Variants in BICD1 observed in about 807,000 individuals in gnomAD.
BICD1 encodes the protein protein bicaudal D homolog 1.
A neutral mutation model predicts 92.5 loss-of-function variants in BICD1; 35 were observed. The ratio of observed to expected loss-of-function variants is 0.38; its 90% CI spans 0.29 to 0.50. BICD1 has a LOEUF of 0.50. Among genes scored for constraint, BICD1 ranks in the 20% least tolerant of loss-of-function variants. The probability of loss-of-function intolerance (pLI) is 0.93; values close to 1 mark genes in which losing one functional copy is unlikely to be tolerated. For missense variants in BICD1, 950 were observed against 1,189.8 expected (o/e 0.80, Z 2.97); for synonymous variants, 429 against 465.1 (o/e 0.92, Z 1.00).
chr12:32,338,651 A>AT, intron 7 of BICD1, 135 bp from the exon 8 acceptor site: 1 of 737,538 alleles, frequency 1.4e-6, no homozygotes, highest in Non-Finnish European at 2.1e-6. Flanking sequence ...AAAAAAAAAA[A>AT]GCAAAAAGAT....
chr12:32,282,882 C>A (rs1288572547), intron 2 of BICD1, among the ~76,000 whole-genome samples: 2 of 152,076 alleles, frequency 1.3e-5, no homozygotes, highest in Admixed American at 6.5e-5. Context: ...TTTGACGAGA[C>A]CAGGTTCAGT....
At chr12:32,108,130 C>G in intron 1 of BICD1, 1 of 229,644 alleles carries the variant, frequency 4.4e-6, no homozygotes, top group Non-Finnish European at 8.7e-6. Context: ...GGTGATCCCA[C>G]TGCCTTGATT....
chr12:32,328,932 G>A lies in BICD1; in HGVS notation c.2100+377G>A, dbSNP rs909089573. The stretch of plus-strand genomic sequence containing the variant: ...GGCAAGGCAGGTTACACCAACCAGG[G>A]CGATACAGCAAGAAAGACAAACACC... On this transcript the variant is annotated intron_variant, in intron 5 of 9. Transcript: ENST00000652176. This position sits in a 1 kb window ranked among gnomAD's most constrained non-coding sequence, Gnocchi z 4.4. Among the ~76,000 whole-genome samples, 3 of 152,032 alleles carry A rather than the reference G, an allele frequency of 2.0e-5. No homozygotes were observed. The highest frequency in any genetic ancestry group is 1.3e-4 in the Admixed American group (2 of 15,256).
intron 1 of BICD1, among the ~76,000 whole-genome samples, chr12:32,129,494 C>T (rs1276911745): frequency 7.0e-6 from 1 of 143,342 alleles, no homozygotes; most frequent in African/African-American, 2.6e-5. Flanking sequence ...AACTATACTC[C>T]AGCCTGGGCG....
chr12:32,158,891 T>G (rs2121480825), intron 1 of BICD1, among the ~76,000 whole-genome samples: 1 of 152,248 alleles, frequency 6.6e-6, no homozygotes, highest in South Asian at 2.1e-4. Context: ...GTTGAGTGAG[T>G]GCGTGAAAGG....
chr12:32,381,148 T>C lies in BICD1; in HGVS notation c.*3521T>C, dbSNP rs1002423436. The stretch of plus-strand genomic sequence containing the variant: ...TCATAAAATATTTTATATTTGAAAA[T>C]AGGATGGCAATCTTTATTTTTCCAA... On this transcript the variant is annotated 3_prime_UTR_variant, in exon 10 of 10. Coordinates refer to ENST00000652176, the MANE Select transcript of BICD1 (RefSeq NM_001714.4). 1.3e-5 allele frequency: 2 copies of C among 152,058 alleles called. No homozygotes were observed. The highest frequency in any genetic ancestry group is 4.8e-5 in the African/African-American group (2 of 41,444). 9.4% of individuals were successfully genotyped at this position (152,058 alleles called of 1,614,324 possible).
At chr12:32,168,358 T>A (rs569733783) in intron 1 of BICD1, among the ~76,000 whole-genome samples, 2 of 152,182 alleles carry the variant, frequency 1.3e-5, no homozygotes, top group East Asian at 3.9e-4. Context: ...CTTGGGTGAG[T>A]CATTTCTTTG....
At chr12:32,192,430 TTAAA>T (rs369679034) in intron 1 of BICD1, among the ~76,000 whole-genome samples, 5 of 139,320 alleles carry the variant, frequency 3.6e-5, no homozygotes, top group South Asian at 2.3e-4. Context: ...CGAGACTCTG[TTAAA>T]TAAATAAATA....
At chr12:32,272,772 A>G (rs913872512) in intron 2 of BICD1, among the ~76,000 whole-genome samples, 2 of 152,230 alleles carry the variant, frequency 1.3e-5, no homozygotes, top group Non-Finnish European at 2.9e-5. Context: ...AACATTTTTA[A>G]AAATCAAGAT....
At chr12:32,298,641 C>T (rs1345799758) in intron 3 of BICD1, among the ~76,000 whole-genome samples, 1 of 148,928 alleles carries the variant, frequency 6.7e-6, no homozygotes, top group Non-Finnish European at 1.5e-5. Flanking sequence ...GAGGCCGAGG[C>T]GGGCAGATCA....
intron 2 of BICD1, among the ~76,000 whole-genome samples, chr12:32,260,933 C>A (rs75192115): frequency 6.6e-6 from 1 of 152,152 alleles, no homozygotes; most frequent in Non-Finnish European, 1.5e-5. Flanking sequence ...GCAGTTTCCC[C>A]GCTGACTTTT....
At chr12:32,283,990 C>T (rs1474308108) in intron 2 of BICD1, among the ~76,000 whole-genome samples, 5 of 152,238 alleles carry the variant, frequency 3.3e-5, no homozygotes, top group Non-Finnish European at 7.3e-5. Flanking sequence ...AAGTGGGTCT[C>T]CCCTTTCCTT....
In BICD1 at chr12:32,380,364, C is replaced by G. The variant is rs908913081; in HGVS notation, c.*2737C>G. 1 of 152,010 alleles carries G rather than the reference C, an allele frequency of 6.6e-6. No homozygotes were observed. Among genetic ancestry groups the G allele is most frequent in the African/African-American group, 2.4e-5 (1 of 41,406 alleles). 9.4% of individuals were successfully genotyped at this position (152,010 alleles called of 1,614,324 possible). On this transcript the variant is annotated 3_prime_UTR_variant, in exon 10 of 10. Transcript: ENST00000652176. ...TAGTGAGAACCAAAAAGAATGAACT[C>G]CAGTAAGACTAATTGAAGACATACT...
chr12:32,249,168 T>C (rs145516208), intron 2 of BICD1, among the ~76,000 whole-genome samples: 1,826 of 152,214 alleles, frequency 0.012, 19 homozygotes, highest in Middle Eastern at 0.041. Flanking sequence ...GGAAAGGAAC[T>C]TCAGGTGGGT....
chr12:32,262,102 T>G (rs912680140), intron 2 of BICD1, among the ~76,000 whole-genome samples: 1 of 152,252 alleles, frequency 6.6e-6, no homozygotes, highest in African/African-American at 2.4e-5. Flanking sequence ...ATATGCTTTA[T>G]GTGCATTACC....
Position 32,321,584 on chromosome 12 carries a change from C to T in BICD1, c.1006-5877C>T, listed in dbSNP as rs904170596. 2.0e-5 allele frequency among the ~76,000 whole-genome samples: 3 copies of T among 152,120 alleles called. No individual in the cohort carries two copies. In the South Asian group the frequency reaches 6.2e-4, roughly 32 times the overall value. On this transcript the variant is annotated intron_variant, in intron 4 of 9. Transcript: ENST00000652176. ...AGTCACTACAGAAGATTATAATAAA[C>T]CCCTCAACTCTCTCTTGGATAAATT...
chr12:32,336,945 CTT>C (rs1938152281), intron 6 of BICD1, among the ~76,000 whole-genome samples: 1 of 152,100 alleles, frequency 6.6e-6, no homozygotes, highest in South Asian at 2.1e-4. Context: ...GACCCTGTCT[CTT>C]TAAAAAATAA....
chr12:32,238,238 A>T (rs1946129799), intron 2 of BICD1, among the ~76,000 whole-genome samples: 1 of 147,676 alleles, frequency 6.8e-6, no homozygotes, highest in Admixed American at 6.6e-5. Flanking sequence ...CCATCTCCTA[A>T]AAAGGATTTT....
At chr12:32,220,859 G>C (rs1357103032) in intron 2 of BICD1, among the ~76,000 whole-genome samples, 1 of 130,416 alleles carries the variant, frequency 7.7e-6, no homozygotes, top group African/African-American at 3.0e-5. Context: ...GTCCAACAAT[G>C]ATAGACTGGA....
Sources: gnomAD v4.1 joint callset for allele counts (sites outside exome capture counted in the v4.1 genomes callset) on GRCh38, gnomAD v4.1.1 for gene constraint, Gnocchi (gnomAD v3.1) non-coding constraint, MANE v1.5 for transcripts, NCBI Gene and HGNC (gene_info 2026-07-23, HGNC 2026-07-21) for gene names.